Variants in KLF12 observed in about 807,000 individuals in gnomAD.
The protein encoded by KLF12 is Krueppel-like factor 12.
In KLF12, 9 loss-of-function variants were observed where a neutral mutation model predicts 37.8. The ratio of observed to expected loss-of-function variants is 0.24; its 90% CI spans 0.14 to 0.42. KLF12 has a LOEUF of 0.42. Ranked by LOEUF, KLF12 falls within the 10% of genes least tolerant of loss-of-function variation. The probability of loss-of-function intolerance (pLI) is 1.00; values close to 1 mark genes in which losing one functional copy is unlikely to be tolerated. For missense variants in KLF12, 411 were observed against 516.0 expected (o/e 0.80, Z 1.97); for synonymous variants, 208 against 202.1 (o/e 1.03, Z -0.25).
At chr13:73,723,393 A>G (rs1876420070) in intron 6 of KLF12, among the ~76,000 whole-genome samples, 3 of 152,306 alleles carry the variant, frequency 2.0e-5, no homozygotes, top group Admixed American at 2.0e-4. Context: ...GACACATAAC[A>G]TACTTAAATA....
intron 3 of KLF12, among the ~76,000 whole-genome samples, chr13:73,943,381 TA>T (rs1890277269): frequency 6.6e-6 from 1 of 152,172 alleles, no homozygotes; most frequent in Non-Finnish European, 1.5e-5. Flanking sequence ...TCTATGTCAT[TA>T]AAAAAATATG....
intron 6 of KLF12, among the ~76,000 whole-genome samples, chr13:73,746,326 T>C (rs1878368527): frequency 6.6e-6 from 1 of 152,158 alleles, no homozygotes; most frequent in African/African-American, 2.4e-5. Context: ...TATCTAAATA[T>C]GTTAAATTGG....
At chr13:73,800,831 A>G (rs996488036) in intron 5 of KLF12, 14 of 152,134 alleles carry the variant, frequency 9.2e-5, no homozygotes, top group Non-Finnish European at 8.8e-5. Context: ...GCAGGATTCT[A>G]TTTTATTATA....
chr13:73,726,059 CG>C (rs1050457681), intron 6 of KLF12, among the ~76,000 whole-genome samples: 2 of 151,734 alleles, frequency 1.3e-5, no homozygotes, highest in East Asian at 3.9e-4. Flanking sequence ...TTAGTAAAGA[CG>C]GGGTTTCTCC....
At chr13:74,032,760 A>T (rs1348762923) in intron 1 of KLF12, among the ~76,000 whole-genome samples, 1 of 152,226 alleles carries the variant, frequency 6.6e-6, no homozygotes, top group Non-Finnish European at 1.5e-5. Flanking sequence ...CACCTACAGC[A>T]TTAATTCTAC....
chr13:73,807,793 T>G (rs1238190166), intron 5 of KLF12, among the ~76,000 whole-genome samples: 2 of 152,146 alleles, frequency 1.3e-5, no homozygotes, highest in Non-Finnish European at 2.9e-5. Context: ...TTCCTCCACC[T>G]TTCACCCCAC....
chr13:74,050,797 G>A (rs1258771161), intron 1 of KLF12, among the ~76,000 whole-genome samples: 3 of 152,096 alleles, frequency 2.0e-5, no homozygotes, highest in African/African-American at 7.2e-5. Context: ...CAGAATGAGA[G>A]ATAATATCTG....
chr13:74,052,068 T>G lies in KLF12; in HGVS notation c.-31-57015A>C, dbSNP rs1054482438. Among the ~76,000 whole-genome samples the G allele has an allele frequency of 1.1e-3, 165 of 152,190 alleles. 1 individual carries two copies. The highest frequency in any genetic ancestry group is 3.7e-3 in the African/African-American group (154 of 41,540). On this transcript the variant is annotated intron_variant, in intron 1 of 7. Coordinates refer to ENST00000377669, the MANE Select transcript of KLF12 (RefSeq NM_007249.5). ...AAAGAAAAAAAAAGAAGATAAAGAT[T>G]CCAAAGTCTGGCTCCAAAACCTTCA...
rs147154044 is a variant in KLF12 at position 74,004,049 on chromosome 13, T to C, written c.-31-8996A>G. On this transcript the variant is annotated intron_variant, in intron 1 of 7. Coordinates refer to ENST00000377669, the MANE Select transcript of KLF12 (RefSeq NM_007249.5). ...GCTCACACGTATCCCCCAATAAGAA[T>C]AGGGAATGTATTTTTATATTTTAAT... Among the ~76,000 whole-genome samples the C allele has an allele frequency of 1.8e-3, 267 of 152,226 alleles. 2 individuals carry two copies. The highest frequency in any genetic ancestry group is 5.9e-3 in the African/African-American group (246 of 41,544).
intron 6 of KLF12, among the ~76,000 whole-genome samples, chr13:73,722,255 A>G (rs914896378): frequency 6.6e-6 from 1 of 152,204 alleles, no homozygotes; most frequent in Non-Finnish European, 1.5e-5. Context: ...GCAAGAGTGG[A>G]TGAGACTTTC....
chr13:73,985,054 G>A (rs987036098), intron 2 of KLF12, among the ~76,000 whole-genome samples: 5 of 152,174 alleles, frequency 3.3e-5, no homozygotes, highest in South Asian at 4.1e-4. Context: ...TCCCCAGTGC[G>A]CAGCTTTACT....
the KLF12 span, among the ~76,000 whole-genome samples, chr13:74,252,772 T>G: frequency 9.2e-5 from 14 of 152,300 alleles, no homozygotes; most frequent in Admixed American, 8.5e-4. Flanking sequence ...CATCCTCCCT[T>G]CTCTTCCCCA....
chr13:74,183,593 G>A, the KLF12 span, among the ~76,000 whole-genome samples: 2 of 151,454 alleles, frequency 1.3e-5, no homozygotes, highest in African/African-American at 4.9e-5. Context: ...GGATAATTTT[G>A]TAAAAATAAA....
intron 5 of KLF12, among the ~76,000 whole-genome samples, chr13:73,799,135 T>C (rs949039361): frequency 6.6e-6 from 1 of 152,206 alleles, no homozygotes; most frequent in South Asian, 2.1e-4. Flanking sequence ...TGGAGGTCAT[T>C]ATTCCCAGCA....
intron 1 of KLF12, among the ~76,000 whole-genome samples, chr13:74,091,427 A>C (rs1340299151): frequency 6.6e-6 from 1 of 152,210 alleles, no homozygotes; most frequent in Non-Finnish European, 1.5e-5. Context: ...GGAATCATAG[A>C]GTATGAAGAC....
At chr13:74,231,858 C>T in the KLF12 span, 1 of 152,092 alleles carries the variant, frequency 6.6e-6, no homozygotes, top group Non-Finnish European at 1.5e-5. Flanking sequence ...GGGCTACTGT[C>T]TAGGAAGCCT....
chr13:74,101,177 AC>A (rs1243298186), intron 1 of KLF12, among the ~76,000 whole-genome samples: 6 of 152,170 alleles, frequency 3.9e-5, no homozygotes, highest in Non-Finnish European at 8.8e-5. Flanking sequence ...GTACCAGACT[AC>A]TGTCCATTTT....
intron 1 of KLF12, among the ~76,000 whole-genome samples, chr13:74,130,971 T>C (rs962465781): frequency 1.3e-5 from 2 of 152,192 alleles, no homozygotes; most frequent in African/African-American, 4.8e-5. Context: ...TGTTGTACAA[T>C]GGAAAAAATG....
intron 4 of KLF12, among the ~76,000 whole-genome samples, chr13:73,820,439 A>T (rs1160683859): frequency 1.3e-5 from 2 of 152,232 alleles, no homozygotes; most frequent in Non-Finnish European, 2.9e-5. Context: ...AGAAACATTC[A>T]TGAGTAAATA....
Sources: allele counts gnomAD v4.1 joint callset (sites outside exome capture counted in the v4.1 genomes callset), GRCh38; gene constraint gnomAD v4.1.1; transcripts MANE v1.5; gene names NCBI Gene and HGNC (gene_info 2026-07-23, HGNC 2026-07-21).